The following E4F1 variants were observed in gnomAD, a reference collection of about 807,000 sequenced individuals.
E4F1 encodes the protein transcription factor E4F1.
A neutral mutation model predicts 72.9 loss-of-function variants in E4F1; 30 were observed. The observed-to-expected ratio is 0.41, with a 90% CI of 0.31 to 0.56. The LOEUF (loss-of-function observed/expected upper bound fraction) is 0.56, where lower values mean the gene tolerates loss of function less well. Among genes scored for constraint, E4F1 ranks in the 20% least tolerant of loss-of-function variants. E4F1 has a pLI of 0.25. For missense variants in E4F1, 1,091 were observed against 1,117.5 expected, an observed-to-expected ratio of 0.98 and a Z score of 0.34; for synonymous variants, 542 against 478.2, an observed-to-expected ratio of 1.13 and a Z score of -1.74.
Position 2,235,702 on chromosome 16 carries a change from AGAG to A in E4F1, c.*131_*133del. ...CGCCCCAAGACGGACAGTGTACATA[AGAG>A]TTTCTTGTTGCTTTACAATAAAACA... On this transcript the variant is annotated 3_prime_UTR_variant, in exon 14 of 14. Coordinates refer to ENST00000301727, the MANE Select transcript of E4F1 (RefSeq NM_004424.5). 1 of 749,260 alleles carries A rather than the reference AGAG, an allele frequency of 1.3e-6. No individual in the cohort carries two copies. Among genetic ancestry groups the A allele is most frequent in the Non-Finnish European group, 2.1e-6 (1 of 477,386 alleles). 46.4% of individuals were successfully genotyped at this position (749,260 alleles called of 1,614,324 possible).
Position 2,233,072 on chromosome 16 carries a change from A to G in E4F1, c.945A>G (p.Ile315Met). Reference protein sequence around the residue: ...TATSSVTGEPIETSPVIHLVT... With the variant: ...TATSSVTGEPMETSPVIHLVT... ...CATCATCGGTGACAGGCGAGCCTAT[A>G]GAGACTTCACCCGTGATTCACCTGG... is the stretch of plus-strand genomic sequence containing the variant. Residue 315 changes from isoleucine to methionine, a missense_variant, in exon 7 of 14, where the codon ATA becomes ATG. Coordinates refer to ENST00000301727, the MANE Select transcript of E4F1 (RefSeq NM_004424.5). 1 of 1,612,636 alleles carries G rather than the reference A, an allele frequency of 6.2e-7. No individual in the cohort carries two copies. The highest frequency in any genetic ancestry group is 1.1e-5 in the South Asian group (1 of 91,070).
chr16:2,233,407 G>A, intron 7 of E4F1, 31 bp from the exon 8 acceptor site: 5 of 1,496,882 alleles, frequency 3.3e-6, no homozygotes, highest in Non-Finnish European at 4.4e-6. Flanking sequence ...CAGGCTGCCT[G>A]GCCAGCCTCC....
chr16:2,230,173 G>T, intron 3 of E4F1: 1 of 181,212 alleles, frequency 5.5e-6, no homozygotes, highest in Non-Finnish European at 1.2e-5. Flanking sequence ...TCCCTCTGGT[G>T]TGGGAGTGGT....
chr16:2,234,523 G>A, intron 10 of E4F1, 60 bp from the exon 11 acceptor site: 1 of 1,551,384 alleles, frequency 6.4e-7, no homozygotes, highest in Non-Finnish European at 8.7e-7. Context: ...ACAGGCGGGA[G>A]GGGAGAGCTG....
At chr16:2,224,647 A>C (rs757172853) in intron 1 of E4F1, among the ~76,000 whole-genome samples, 1 of 151,862 alleles carries the variant, frequency 6.6e-6, no homozygotes, top group Admixed American at 6.6e-5. Context: ...AAACAAAATT[A>C]GCCGGGCGTG....
chr16:2,226,017 C>T (rs1358544235), intron 1 of E4F1, among the ~76,000 whole-genome samples: 1 of 151,836 alleles, frequency 6.6e-6, no homozygotes, highest in African/African-American at 2.4e-5. Context: ...GGCATGAGCC[C>T]AGGAGGCAGA....
chr16:2,234,292 C>G lies in E4F1; in HGVS notation c.1497C>G (p.Leu499=). The G allele has an allele frequency of 1.2e-6, 2 of 1,613,002 alleles. No homozygotes were observed. The highest frequency in any genetic ancestry group is 1.3e-5 in the African/African-American group (1 of 75,062). Residue 499 remains leucine, a synonymous_variant, in exon 10 of 14, where the codon CTC becomes CTG. Coordinates refer to ENST00000301727, the MANE Select transcript of E4F1 (RefSeq NM_004424.5). The part of the protein sequence containing the change: ...RRFRCGDCGK[L]YKTIAHVRGH... ...TCCGCTGTGGCGACTGCGGGAAGCT[C>G]TACAAGACCATTGCCCATGTGCGTG...
At chr16:2,229,482 C>G (rs2141449251) in intron 2 of E4F1, 88 bp from the exon 3 acceptor site, 1 of 1,419,208 alleles carries the variant, frequency 7.0e-7, no homozygotes, top group Middle Eastern at 1.8e-4. Context: ...ACCTCCACAG[C>G]TTTACACTGG....
intron 10 of E4F1, 37 bp downstream of exon 10, chr16:2,234,425 C>T (rs1179019979): frequency 6.2e-7 from 1 of 1,608,438 alleles, no homozygotes; most frequent in Admixed American, 1.7e-5. Flanking sequence ...CGCCTGATCC[C>T]CCCATCCTGC....
Position 2,232,842 on chromosome 16 carries a change from T to C in E4F1, c.817T>C (p.Cys273Arg), listed in dbSNP as rs1435509386. The C allele has an allele frequency of 1.2e-6, 2 of 1,613,344 alleles. No homozygotes were observed. Among genetic ancestry groups the C allele is most frequent in the Non-Finnish European group, 1.7e-6 (2 of 1,179,994 alleles). Residue 273 changes from cysteine to arginine, a missense_variant, in exon 6 of 14, where the codon TGC (cysteine) becomes CGC (arginine). Coordinates refer to ENST00000301727, the MANE Select transcript of E4F1 (RefSeq NM_004424.5). ...CCGGCACCTCAAGTCTCTCACCCCC[T>C]GCACAGAGAAAATCCGCTTCAGTGT... ...LTRHLKSLTPCTEKIRFSVSK... is the reference protein window; with the variant it reads ...LTRHLKSLTPRTEKIRFSVSK...
At chr16:2,225,338 A>G (rs527754725) in intron 1 of E4F1, among the ~76,000 whole-genome samples, 9 of 152,014 alleles carry the variant, frequency 5.9e-5, no homozygotes, top group South Asian at 2.1e-4. Flanking sequence ...AGCTTGTCCT[A>G]TGAGGCTGCA....
rs1160506975 is a variant in E4F1 at position 2,233,614 on chromosome 16, G to C, written c.1233G>C (p.Gln411His). The C allele has an allele frequency of 1.3e-5, 20 of 1,513,284 alleles. No homozygotes were observed. Among genetic ancestry groups the C allele is most frequent in the Non-Finnish European group, 1.7e-5 (19 of 1,129,512 alleles). 93.7% of individuals were successfully genotyped at this position (1,513,284 alleles called of 1,614,324 possible). ...SPQPLAVAAP[Q>H]LPVLEVQPLE... ...AGCCCCTGGCAGTGGCAGCCCCGCAGCTGCCGGTACTGGAAGTGCAGCCGC... is the reference window on the plus strand; with the variant it reads ...AGCCCCTGGCAGTGGCAGCCCCGCACCTGCCGGTACTGGAAGTGCAGCCGC... The change falls in exon 8 of 14, where the codon CAG becomes CAC. Residue 411 changes from glutamine (Q) to histidine (H), a missense_variant. Gln to His is a conservative substitution (Grantham distance 24). Around this residue, in one of 5 missense-constraint regions of E4F1, gnomAD observed 622 missense variants for 628.0 expected, o/e 0.99. Transcript: ENST00000301727.
At chr16:2,229,854 T>C in intron 3 of E4F1, 179 bp downstream of exon 3, 1 of 631,112 alleles carries the variant, frequency 1.6e-6, no homozygotes, top group Middle Eastern at 4.2e-4. Context: ...CGTTGGGCAC[T>C]GGGCCTTCCT....
chr16:2,226,350 G>A (rs909192268), intron 1 of E4F1, among the ~76,000 whole-genome samples: 3 of 152,202 alleles, frequency 2.0e-5, no homozygotes, highest in African/African-American at 7.2e-5. Context: ...GGGTTCTTCA[G>A]TGGCAATGCC....
Position 2,235,582 on chromosome 16 carries a change from T to C in E4F1, c.*10T>C, listed in dbSNP as rs1034857506. 3.2e-6 allele frequency: 5 copies of C among 1,573,630 alleles called. No individual in the cohort carries two copies. Among genetic ancestry groups the C allele is most frequent in the Middle Eastern group, 3.6e-4 (2 of 5,608 alleles). ...GACGGTCATCGTCTAGCATGAGGTC[T>C]GCGGGGTCCTGGCCGGGCAGGGACA... On this transcript the variant is annotated 3_prime_UTR_variant, in exon 14 of 14. Coordinates refer to ENST00000301727, the MANE Select transcript of E4F1 (RefSeq NM_004424.5).
chr16:2,230,009 CT>C, intron 3 of E4F1: 1 of 312,676 alleles, frequency 3.2e-6, no homozygotes. Context: ...TTCCTGCTCC[CT>C]GCCCGTAGGC....
At chr16:2,226,960 C>G (rs577113610) in intron 1 of E4F1, among the ~76,000 whole-genome samples, 2 of 152,252 alleles carry the variant, frequency 1.3e-5, no homozygotes, top group Non-Finnish European at 2.9e-5. Flanking sequence ...CTCCTGGGCC[C>G]CAGCCCATTT....
At chr16:2,233,668 C>T (rs11640867) in intron 8 of E4F1, 21 bp downstream of exon 8, 96 of 1,524,562 alleles carry the variant, frequency 6.3e-5, no homozygotes, top group Non-Finnish European at 7.4e-5. Flanking sequence ...GCACCACCTG[C>T]GGGCTCCTCC....
In E4F1 at chr16:2,235,515, C is replaced by T. The variant is rs756869236; in HGVS notation, c.2298C>T (p.Gly766=). 4.2e-5 allele frequency: 68 copies of T among 1,607,652 alleles called. No individual in the cohort carries two copies. Among genetic ancestry groups the T allele is most frequent in the African/African-American group, 8.0e-5 (6 of 74,810 alleles). The stretch of plus-strand genomic sequence containing the variant: ...ACATCGAGATCCTGGAGCATGCAGG[C>T]GAGCTGGTCATCGCCTCGCCGGAGG... ...SEDIEILEHA[G]ELVIASPEGQ... Residue 766 remains glycine (G), a synonymous_variant, in exon 14 of 14, where the codon GGC becomes GGT. Transcript: ENST00000301727.
Sources: allele counts gnomAD v4.1 joint callset (sites outside exome capture counted in the v4.1 genomes callset), GRCh38; gene constraint gnomAD v4.1.1; regional missense constraint gnomAD v4.1.1; transcripts MANE v1.5; gene names NCBI Gene and HGNC (gene_info 2026-07-23, HGNC 2026-07-21).